The following COL21A1 variants were observed in gnomAD, a reference collection of about 807,000 sequenced individuals.
COL21A1 encodes collagen type XXI alpha 1 chain.
A neutral mutation model predicts 137.9 loss-of-function variants in COL21A1; 149 were observed. The observed-to-expected ratio is 1.08, with a 90% CI of 0.95 to 1.24. The LOEUF (loss-of-function observed/expected upper bound fraction) is 1.24. COL21A1 is among the 50% of genes most tolerant of loss of function. The pLI, the probability that COL21A1 is intolerant of heterozygous loss-of-function variation, is 0.00. For synonymous variants in COL21A1, 456 were observed against 391.5 expected (o/e 1.16, Z -1.95); for missense variants, 1,167 against 1,158.4 (o/e 1.01, Z -0.11).
intron 2 of COL21A1, among the ~76,000 whole-genome samples, chr6:56,182,151 T>C (rs984647083): frequency 6.6e-6 from 1 of 152,184 alleles, no homozygotes; most frequent in Non-Finnish European, 1.5e-5. Context: ...CAAGCAATAA[T>C]AACATTCACT....
intron 16 of COL21A1, among the ~76,000 whole-genome samples, chr6:56,121,323 T>C (rs909426605): frequency 2.0e-5 from 3 of 151,532 alleles, no homozygotes; most frequent in African/African-American, 7.3e-5. Context: ...CTATATGATA[T>C]GCTGAAAAAG....
chr6:56,072,311 G>T (rs929967412), intron 20 of COL21A1, among the ~76,000 whole-genome samples: 2 of 151,380 alleles, frequency 1.3e-5, no homozygotes, highest in Non-Finnish European at 3.0e-5. Context: ...TATTCCTTTG[G>T]ATACATACCG....
chr6:56,295,266 A>T (rs1422639246), intron 1 of COL21A1, among the ~76,000 whole-genome samples: 1 of 151,842 alleles, frequency 6.6e-6, no homozygotes, highest in African/African-American at 2.4e-5. Flanking sequence ...CATTCATGTG[A>T]GTCTATTTCT....
At chr6:56,126,220 C>T in intron 12 of COL21A1, 71 bp from the exon 13 acceptor site, 1 of 941,116 alleles carries the variant, frequency 1.1e-6, no homozygotes, top group South Asian at 1.5e-5. Flanking sequence ...ATCTATTCTT[C>T]AACCTCACCC....
intron 12 of COL21A1, among the ~76,000 whole-genome samples, chr6:56,134,040 G>A: frequency 6.6e-6 from 1 of 152,228 alleles, no homozygotes; most frequent in East Asian, 1.9e-4. Flanking sequence ...CTGCCTAGCA[G>A]AGCTGTGAGA....
At chr6:56,374,540 T>C (rs983325273) in intron 1 of COL21A1, among the ~76,000 whole-genome samples, 1 of 151,936 alleles carries the variant, frequency 6.6e-6, no homozygotes, top group Non-Finnish European at 1.5e-5. Flanking sequence ...CTGGCCAACA[T>C]GGTGAAACCC....
chr6:56,335,720 T>C (rs1375904734), intron 1 of COL21A1, among the ~76,000 whole-genome samples: 1 of 152,224 alleles, frequency 6.6e-6, no homozygotes, highest in Non-Finnish European at 1.5e-5. Context: ...TCCCTTGCTA[T>C]AGCAACTTCA....
rs1334856713 is a variant in COL21A1, at chr6:56,124,096, C to T, written c.1724G>A (p.Gly575Glu). ...PGPAGEPGRH[G>E]KDGLMGSPGF... is the part of the protein sequence containing the mutation. ...GGGACTACCCATTAATCCATCCTTT[C>T]CATGTCTTCCTGGTTCTCCCTAAAA... The change falls in exon 16 of 30, where the codon GGA becomes GAA. Residue 575 changes from glycine to glutamate, a missense_variant. Transcript: ENST00000244728. 2.6e-6 allele frequency: 4 copies of T among 1,536,964 alleles called. No homozygotes were observed. The South Asian group carries it at 5.0e-5, about 19-fold the overall frequency.
chr6:56,293,359 C>T (rs1314949173), intron 1 of COL21A1, among the ~76,000 whole-genome samples: 4 of 152,090 alleles, frequency 2.6e-5, no homozygotes, highest in Non-Finnish European at 5.9e-5. Flanking sequence ...CTGAAATTTT[C>T]AGGTTTTTTA....
intron 1 of COL21A1, among the ~76,000 whole-genome samples, chr6:56,389,224 T>G (rs1023009715): frequency 6.6e-6 from 1 of 152,068 alleles, no homozygotes; most frequent in Non-Finnish European, 1.5e-5. Context: ...TAGCTGGGTG[T>G]GGTGGCGTGC....
intron 1 of COL21A1, among the ~76,000 whole-genome samples, chr6:56,282,201 A>T (rs183981657): frequency 7.9e-5 from 12 of 152,280 alleles, no homozygotes; most frequent in African/African-American, 2.9e-4. Context: ...TACCATCAAA[A>T]TTTTGTTACA....
At chr6:56,345,025 A>G (rs529952534) in intron 1 of COL21A1, among the ~76,000 whole-genome samples, 5 of 152,334 alleles carry the variant, frequency 3.3e-5, no homozygotes, top group African/African-American at 1.2e-4. Context: ...TTACACAAAC[A>G]TTAGGTGCTT....
intron 1 of COL21A1, among the ~76,000 whole-genome samples, chr6:56,338,446 T>G (rs1765383647): frequency 6.6e-6 from 1 of 152,044 alleles, no homozygotes. Context: ...CCCTGACCCT[T>G]TCTGAGCCCT....
chr6:56,137,385 C>T (rs1276963148), intron 12 of COL21A1, among the ~76,000 whole-genome samples: 1 of 152,126 alleles, frequency 6.6e-6, no homozygotes, highest in Non-Finnish European at 1.5e-5. Context: ...TTCTTTTCCT[C>T]TCAGAAAAAA....
chr6:56,182,849 C>T (rs963597202), intron 1 of COL21A1, among the ~76,000 whole-genome samples, 193 bp from the exon 2 acceptor site: 15 of 152,142 alleles, frequency 9.9e-5, no homozygotes, highest in Non-Finnish European at 1.8e-4. Context: ...TGGCTAAAGA[C>T]CATGATAAAC....
intron 1 of COL21A1, among the ~76,000 whole-genome samples, chr6:56,189,518 G>A (rs150861878): frequency 1.6e-4 from 25 of 152,230 alleles, no homozygotes; most frequent in African/African-American, 6.0e-4. Context: ...GTGACAGGGA[G>A]AATGGAACCA....
rs553592441 is a variant in COL21A1 at position 56,110,541 on chromosome 6, A to G, written c.1759-9016T>C. On this transcript the variant is annotated intron_variant, in intron 16 of 29. Coordinates refer to ENST00000244728, the MANE Select transcript of COL21A1 (RefSeq NM_030820.4). Reference sequence around the variant, plus strand: ...TTCATATAAATTAGTATAGAAGAAGAAAACTGTCTTTATTTGTAGTCAATA... The same window carrying G: ...TTCATATAAATTAGTATAGAAGAAGGAAACTGTCTTTATTTGTAGTCAATA... 3.9e-5 allele frequency among the ~76,000 whole-genome samples: 6 copies of G among 152,092 alleles called. No homozygotes were observed. In the East Asian group the frequency reaches 9.6e-4, roughly 24 times the overall value.
intron 9 of COL21A1, among the ~76,000 whole-genome samples, chr6:56,162,336 C>G (rs911493678): frequency 6.6e-6 from 1 of 152,100 alleles, no homozygotes; most frequent in African/African-American, 2.4e-5. Context: ...TGGTGGAAAA[C>G]TGCAATTTCA....
intron 1 of COL21A1, among the ~76,000 whole-genome samples, chr6:56,284,246 G>A (rs1763851548): frequency 6.6e-6 from 1 of 152,056 alleles, no homozygotes. Flanking sequence ...GTAGAGTTGG[G>A]ATTCACGATG....
Sources: allele counts gnomAD v4.1 joint callset (sites outside exome capture counted in the v4.1 genomes callset), GRCh38; gene constraint gnomAD v4.1.1; transcripts MANE v1.5; gene names NCBI Gene and HGNC (gene_info 2026-07-23, HGNC 2026-07-21).